The following MACROD2 variants were observed in gnomAD, a reference collection of about 807,000 sequenced individuals.
MACROD2 encodes mono-ADP ribosylhydrolase 2.
Under a neutral mutation model 70.4 loss-of-function variants are expected in MACROD2, and 36 were observed. The observed-to-expected ratio is 0.51, with a 90% CI of 0.39 to 0.68. MACROD2 has a LOEUF of 0.68. Ranked by LOEUF, MACROD2 falls within the 30% of genes least tolerant of loss-of-function variation. The pLI, the probability that MACROD2 is intolerant of heterozygous loss-of-function variation, is 0.00. For missense variants in MACROD2, 496 were observed against 538.4 expected (o/e 0.92, Z 0.78); for synonymous variants, 172 against 178.8 (o/e 0.96, Z 0.30).
At chr20:15,258,819 G>A (rs536001908) in intron 6 of MACROD2, among the ~76,000 whole-genome samples, 60 of 152,134 alleles carry the variant, frequency 3.9e-4, no homozygotes, top group African/African-American at 1.0e-3. Context: ...GAGAGAACCA[G>A]TAAAGTGATA....
chr20:14,454,426 T>G (rs575465815), intron 3 of MACROD2, among the ~76,000 whole-genome samples: 78 of 151,798 alleles, frequency 5.1e-4, no homozygotes, highest in East Asian at 2.1e-3. Context: ...GAGTTTTTTT[T>G]TTTGTTTGTT....
At chr20:15,486,251 C>G (rs2047161785) in intron 7 of MACROD2, among the ~76,000 whole-genome samples, 1 of 152,138 alleles carries the variant, frequency 6.6e-6, no homozygotes. Flanking sequence ...TTGAGCCCAC[C>G]TATACTTCCA....
At chr20:15,438,748 C>G (rs973332054) in intron 7 of MACROD2, among the ~76,000 whole-genome samples, 3 of 152,184 alleles carry the variant, frequency 2.0e-5, no homozygotes, top group Non-Finnish European at 4.4e-5. Context: ...GAATTCACTT[C>G]TGCATATCCT....
intron 15 of MACROD2, among the ~76,000 whole-genome samples, chr20:16,022,898 T>G (rs1308890625): frequency 2.6e-5 from 4 of 152,238 alleles, no homozygotes; most frequent in African/African-American, 9.6e-5. Context: ...CCAACTTTGC[T>G]TAACTGGATC....
intron 4 of MACROD2, among the ~76,000 whole-genome samples, chr20:14,579,243 G>A (rs1252477801): frequency 7.0e-6 from 1 of 143,880 alleles, no homozygotes; most frequent in Non-Finnish European, 1.5e-5. Context: ...CCGGGTTCAC[G>A]CCATTCTCCT....
intron 4 of MACROD2, among the ~76,000 whole-genome samples, chr20:14,620,214 G>A (rs1373306437): frequency 2.6e-5 from 4 of 151,966 alleles, no homozygotes; most frequent in African/African-American, 9.7e-5. Context: ...CTTCCATGTT[G>A]AAGCTTCAAA....
At chr20:14,197,979 G>T (rs1303435573) in intron 3 of MACROD2, among the ~76,000 whole-genome samples, 1 of 152,178 alleles carries the variant, frequency 6.6e-6, no homozygotes, top group Non-Finnish European at 1.5e-5. Context: ...AAAAAGGTAG[G>T]TATGTAAAAT....
intron 3 of MACROD2, among the ~76,000 whole-genome samples, chr20:14,214,976 A>G (rs1040310032): frequency 6.6e-6 from 1 of 151,052 alleles, no homozygotes; most frequent in African/African-American, 2.4e-5. Context: ...ATATATATAT[A>G]TATTCCATCA....
intron 3 of MACROD2, among the ~76,000 whole-genome samples, chr20:14,443,278 G>T (rs2084145949): frequency 6.6e-6 from 1 of 150,510 alleles, no homozygotes; most frequent in South Asian, 2.1e-4. Context: ...AATTAAGAGG[G>T]TATAGGGTGT....
At chr20:14,595,214 G>A (rs1476846003) in intron 4 of MACROD2, among the ~76,000 whole-genome samples, 1 of 152,112 alleles carries the variant, frequency 6.6e-6, no homozygotes, top group Non-Finnish European at 1.5e-5. Flanking sequence ...AAGCCCGGGG[G>A]TCCTTGTCAC....
intron 5 of MACROD2, among the ~76,000 whole-genome samples, chr20:15,190,731 G>A: frequency 6.6e-6 from 1 of 152,200 alleles, no homozygotes. Flanking sequence ...TGAGGGGAAA[G>A]GGTGCACAGG....
At chr20:14,231,927 A>G (rs1320736106) in intron 3 of MACROD2, among the ~76,000 whole-genome samples, 2 of 152,210 alleles carry the variant, frequency 1.3e-5, no homozygotes, top group Non-Finnish European at 2.9e-5. Flanking sequence ...TTTTGGCTGC[A>G]TAAATGTCTT....
At chr20:14,553,192 A>AT (rs201046281) in intron 4 of MACROD2, among the ~76,000 whole-genome samples, 13 of 148,430 alleles carry the variant, frequency 8.8e-5, no homozygotes, top group Admixed American at 3.4e-4. Flanking sequence ...TTTTTACTTA[A>AT]TTTTTTTTTG....
At chr20:15,661,699 A>T (rs1222118244) in intron 8 of MACROD2, among the ~76,000 whole-genome samples, 1 of 152,190 alleles carries the variant, frequency 6.6e-6, no homozygotes, top group Non-Finnish European at 1.5e-5. Context: ...CCTACAATTT[A>T]CAGGGCAGTA....
chr20:14,081,014 C>T (rs778344713), intron 2 of MACROD2, among the ~76,000 whole-genome samples: 1 of 152,206 alleles, frequency 6.6e-6, no homozygotes, highest in Non-Finnish European at 1.5e-5. Flanking sequence ...AAACTTTAGG[C>T]AGGTTTCTCT....
At chr20:15,781,886 A>G (rs937197823) in intron 8 of MACROD2, among the ~76,000 whole-genome samples, 6 of 152,110 alleles carry the variant, frequency 3.9e-5, no homozygotes, top group African/African-American at 1.4e-4. Flanking sequence ...TATGCAAAGG[A>G]CACTATGTAG....
At chr20:14,088,460 A>G (rs1401564993) in intron 3 of MACROD2, among the ~76,000 whole-genome samples, 3 of 145,942 alleles carry the variant, frequency 2.1e-5, no homozygotes, top group African/African-American at 2.6e-5. Context: ...AAAAATGTTT[A>G]TATGTATGTA....
At chr20:14,912,795 C>G (rs1186284984) in intron 5 of MACROD2, among the ~76,000 whole-genome samples, 1 of 152,160 alleles carries the variant, frequency 6.6e-6, no homozygotes, top group Non-Finnish European at 1.5e-5. Flanking sequence ...TTCTTACAAG[C>G]TTACAAACTT....
intron 8 of MACROD2, among the ~76,000 whole-genome samples, chr20:15,822,186 T>G (rs2063945762): frequency 6.6e-6 from 1 of 152,176 alleles, no homozygotes. Flanking sequence ...ATGATACAAA[T>G]TAAAGCAAAG....
Sources: gnomAD v4.1 joint callset for allele counts (sites outside exome capture counted in the v4.1 genomes callset) on GRCh38, gnomAD v4.1.1 for gene constraint, MANE v1.5 for transcripts, NCBI Gene and HGNC (gene_info 2026-07-23, HGNC 2026-07-21) for gene names.